MYO1H: variants seen among roughly 807,000 people sequenced by gnomAD.
The protein encoded by MYO1H is myosin IH.
MYO1H carries 118 observed loss-of-function variants against 149.3 expected under a neutral mutation model. That is an observed-to-expected ratio of 0.79 (90% confidence interval 0.68 to 0.92). The LOEUF (loss-of-function observed/expected upper bound fraction) is 0.92, where lower values mean the gene tolerates loss of function less well. Among genes scored for constraint, MYO1H ranks in the 40% least tolerant of loss-of-function variants. MYO1H has a pLI of 0.00. For synonymous variants in MYO1H, 447 were observed against 465.2 expected, an observed-to-expected ratio of 0.96 and a Z score of 0.50; for missense variants, 1,212 against 1,280.7, an observed-to-expected ratio of 0.95 and a Z score of 0.82.
At chr12:109,371,715 C>T (rs1183964457) in intron 1 of MYO1H, among the ~76,000 whole-genome samples, 1 of 152,078 alleles carries the variant, frequency 6.6e-6, no homozygotes, top group Non-Finnish European at 1.5e-5. Flanking sequence ...AGAATATATG[C>T]CTAATTTTTG....
intron 1 of MYO1H, among the ~76,000 whole-genome samples, chr12:109,371,976 C>A (rs1868992575): frequency 6.6e-6 from 1 of 152,092 alleles, no homozygotes; most frequent in Non-Finnish European, 1.5e-5. Flanking sequence ...TTACATCCTT[C>A]ATTTTTGGTG....
intron 18 of MYO1H, 150 bp from the exon 19 acceptor site, chr12:109,427,319 A>G (rs1297083996): frequency 6.7e-6 from 2 of 298,254 alleles, no homozygotes; most frequent in African/African-American, 4.6e-5. Context: ...CCCATCTCAA[A>G]AAAAAAAAAA....
At position 109,361,713 on chromosome 12, in the gene MYO1H, G is replaced by A. The variant is rs118029495; in HGVS notation, c.12+13741G>A. 3.0e-3 allele frequency among the ~76,000 whole-genome samples: 451 copies of A among 151,556 alleles called. 21 individuals are homozygous for A. The East Asian group carries it at 0.078, about 26-fold the overall frequency. ...TGGTCCCAGCTACTTGGAGGCTGAG[G>A]CAGGAGGATCACTTGAGCTCAGGAG... On this transcript the variant is annotated intron_variant, in intron 1 of 31. Transcript: ENST00000310903.
the MYO1H span, among the ~76,000 whole-genome samples, chr12:109,329,453 A>C: frequency 2.0e-5 from 3 of 152,134 alleles, no homozygotes; most frequent in Admixed American, 6.6e-5. Flanking sequence ...ACAGAGAGGG[A>C]GAGAATCTTT....
intron 1 of MYO1H, among the ~76,000 whole-genome samples, chr12:109,382,598 A>G (rs1279026000): frequency 2.0e-5 from 3 of 152,110 alleles, no homozygotes; most frequent in African/African-American, 7.2e-5. Context: ...GTGATTACAT[A>G]TAGGTATATA....
intron 3 of MYO1H, among the ~76,000 whole-genome samples, chr12:109,393,665 A>G (rs993887634): frequency 2.6e-5 from 4 of 151,768 alleles, no homozygotes; most frequent in African/African-American, 9.7e-5. Context: ...CCATCCATTT[A>G]CCTATCCATC....
Position 109,360,963 on chromosome 12 carries a change from T to C in MYO1H, c.12+12991T>C, listed in dbSNP as rs1042085085. Among the ~76,000 whole-genome samples the C allele has an allele frequency of 4.6e-5, 7 of 152,334 alleles. No individual in the cohort carries two copies. The South Asian group carries it at 1.5e-3, about 32-fold the overall frequency. ...CTCACGTCTGTCAAGTTGTTCTCTT[T>C]TCCTTTTGCTATTTCCCTGCTATCT... On this transcript the variant is annotated intron_variant, in intron 1 of 31. Coordinates refer to ENST00000310903, the Ensembl canonical transcript of MYO1H.
chr12:109,406,335 T>G (rs894208984), intron 8 of MYO1H, among the ~76,000 whole-genome samples: 1 of 151,950 alleles, frequency 6.6e-6, no homozygotes, highest in Non-Finnish European at 1.5e-5. Context: ...GCGCAATGGC[T>G]CATGCCTGTG....
intron 1 of MYO1H, among the ~76,000 whole-genome samples, chr12:109,357,690 T>A (rs970163137): frequency 1.4e-5 from 2 of 145,510 alleles, no homozygotes; most frequent in African/African-American, 5.3e-5. Flanking sequence ...GAAATACTAT[T>A]CTCTTGATTT....
At chr12:109,315,698 G>A in the MYO1H span, among the ~76,000 whole-genome samples, 1 of 152,224 alleles carries the variant, frequency 6.6e-6, no homozygotes, top group East Asian at 1.9e-4. Flanking sequence ...AGGGTTTTCA[G>A]TATGCCCCAG....
chr12:109,448,276 C>T (rs547909942), exon 32 of MYO1H: 4 of 152,244 alleles, frequency 2.6e-5, no homozygotes, highest in African/African-American at 9.6e-5. Flanking sequence ...AAGAACCTAT[C>T]GATGACTTAC....
intron 5 of MYO1H, among the ~76,000 whole-genome samples, chr12:109,399,591 CAAAAAAAAAAA>C (rs34417905): frequency 1.8e-4 from 13 of 70,510 alleles, no homozygotes; most frequent in African/African-American, 8.9e-4. Context: ...GACTCTGTCT[CAAAAAAAAAAA>C]AAAAAAAAAA....
intron 7 of MYO1H, among the ~76,000 whole-genome samples, chr12:109,405,415 A>G (rs1461589544): frequency 6.6e-6 from 1 of 152,090 alleles, no homozygotes; most frequent in Non-Finnish European, 1.5e-5. Flanking sequence ...GGTTCAAGCA[A>G]TTCTACTGCC....
intron 14 of MYO1H, among the ~76,000 whole-genome samples, chr12:109,414,519 G>C (rs1164941160): frequency 6.7e-6 from 1 of 149,192 alleles, no homozygotes; most frequent in Non-Finnish European, 1.5e-5. Flanking sequence ...TCAAGAATCT[G>C]TAGAAACTGA....
At chr12:109,405,850 T>C in intron 7 of MYO1H, 72 bp from the exon 8 acceptor site, 1 of 1,046,626 alleles carries the variant, frequency 9.6e-7, no homozygotes, top group Non-Finnish European at 1.5e-6. Context: ...TAATGACATG[T>C]ATCAATTAGG....
chr12:109,417,820 G>GT (rs1038140624), intron 15 of MYO1H, among the ~76,000 whole-genome samples: 2 of 133,672 alleles, frequency 1.5e-5, no homozygotes, highest in African/African-American at 3.4e-5. Flanking sequence ...GTTTTGTTTT[G>GT]TTTTGTTTTT....
At chr12:109,394,014 A>G (rs1331463218) in intron 3 of MYO1H, among the ~76,000 whole-genome samples, 1 of 152,090 alleles carries the variant, frequency 6.6e-6, no homozygotes, top group African/African-American at 2.4e-5. Context: ...AAGAGGTGCA[A>G]ATTTCTTCAT....
intron 1 of MYO1H, among the ~76,000 whole-genome samples, chr12:109,358,048 C>T (rs143107118): frequency 4.6e-5 from 7 of 151,938 alleles, no homozygotes; most frequent in African/African-American, 1.7e-4. Flanking sequence ...ATTTCCTTGA[C>T]CACTCACTGA....
Position 109,405,909 on chromosome 12 carries a change from C to G in MYO1H, c.850-13C>G, listed in dbSNP as rs1308730132. The stretch of plus-strand genomic sequence containing the variant: ...CCTGATCTCCTGTCTCTGAACACTT[C>G]CCATGTTCCTAGAATCTCTTTGGAA... On this transcript the variant is annotated splice_polypyrimidine_tract_variant and intron_variant, in intron 7 of 31. Coordinates refer to ENST00000310903, the Ensembl canonical transcript of MYO1H. 1 of 1,573,530 alleles carries G rather than the reference C, an allele frequency of 6.4e-7. No homozygotes were observed. The highest frequency in any genetic ancestry group is 8.7e-7 in the Non-Finnish European group (1 of 1,143,368).
Sources: allele counts gnomAD v4.1 joint callset (sites outside exome capture counted in the v4.1 genomes callset), GRCh38; gene constraint gnomAD v4.1.1; transcripts MANE v1.5; gene names NCBI Gene and HGNC (gene_info 2026-07-23, HGNC 2026-07-21).